Variants in MAP3K9 observed in about 807,000 individuals in gnomAD.
MAP3K9 encodes mitogen-activated protein kinase kinase kinase 9.
MAP3K9 carries 46 observed loss-of-function variants against 95.8 expected under a neutral mutation model. That is an observed-to-expected ratio of 0.48 (90% CI 0.38 to 0.61). The LOEUF (loss-of-function observed/expected upper bound fraction) is 0.61. Among genes scored for constraint, MAP3K9 ranks in the 20% least tolerant of loss-of-function variants. The pLI, the probability that MAP3K9 is intolerant of heterozygous loss-of-function variation, is 0.00. For synonymous variants in MAP3K9, 533 were observed against 593.8 expected, an observed-to-expected ratio of 0.90 and a Z score of 1.49; for missense variants, 1,296 against 1,474.3, an observed-to-expected ratio of 0.88 and a Z score of 1.98.
At chr14:70,752,616 T>C (rs867212526) in intron 3 of MAP3K9, among the ~76,000 whole-genome samples, 2 of 152,154 alleles carry the variant, frequency 1.3e-5, no homozygotes, top group Middle Eastern at 3.2e-3. Context: ...TATCCTCCAT[T>C]GCTTGCTCTT....
In MAP3K9 at chr14:70,809,315, G is replaced by A. The variant is rs1478242091; in HGVS notation, c.-144C>T. On this transcript the variant is annotated 5_prime_UTR_variant, in exon 1 of 12. Transcript: ENST00000554752. ...AGGGCCCGGGCTGGCAGGGCTGGGA[G>A]AGCCGGCTCGCCGGCGCTGTTACCG... 2.8e-6 allele frequency: 3 copies of A among 1,069,548 alleles called. No homozygotes were observed. Among genetic ancestry groups the A allele is most frequent in the African/African-American group, 1.6e-5 (1 of 60,996 alleles). 66.3% of individuals were successfully genotyped at this position (1,069,548 alleles called of 1,614,324 possible).
At chr14:70,764,179 C>T (rs1235764640) in intron 2 of MAP3K9, among the ~76,000 whole-genome samples, 2 of 19,016 alleles carry the variant, frequency 1.1e-4, no homozygotes, top group African/African-American at 2.1e-4. Flanking sequence ...GGCGACAGAG[C>T]GAGACTCCGT....
At position 70,725,125 on chromosome 14, in the gene MAP3K9, TTC is replaced by T. The variant is rs1173387404; in HGVS notation, c.*5253_*5254del. 1.3e-5 allele frequency: 2 copies of T among 152,352 alleles called. No homozygotes were observed. The highest frequency in any genetic ancestry group is 3.9e-4 in the East Asian group (2 of 5,190). The allele number at this position is 152,352 out of a possible 1,614,324, so 9.4% of individuals were successfully genotyped here. A position where few individuals can be genotyped will look rare whatever the true frequency, so the allele number is the denominator to read the frequency against. On this transcript the variant is annotated 3_prime_UTR_variant, in exon 12 of 12. Transcript: ENST00000554752. Reference sequence around the variant, plus strand: ...TATAACCAGCTGGGCCCCAAAGCTCTTCTCTCTATCCAGCTCAAGGCCCAAAG... The same window carrying T: ...TATAACCAGCTGGGCCCCAAAGCTCTTCTCTATCCAGCTCAAGGCCCAAAG...
rs578089663 is a variant in MAP3K9 at position 70,730,473 on chromosome 14, C to T, written c.3222G>A (p.Gly1074=). 10 of 1,614,168 alleles carry T rather than the reference C, an allele frequency of 6.2e-6. No individual in the cohort carries two copies. In the East Asian group the frequency reaches 1.3e-4, roughly 22 times the overall value. Residue 1074 remains glycine (G), a synonymous_variant, in exon 12 of 12, where the codon GGG becomes GGA. Coordinates refer to ENST00000554752, the MANE Select transcript of MAP3K9 (RefSeq NM_001284230.2). ...ERTLLDLDAE[G]QSQDSTVPLC... ...GCGGCACGGTGCTGTCCTGACTCTG[C>T]CCCTCTGCATCCAGGTCCAGGAGCG...
At chr14:70,795,204 G>T (rs779671335) in intron 2 of MAP3K9, among the ~76,000 whole-genome samples, 1 of 151,390 alleles carries the variant, frequency 6.6e-6, no homozygotes, top group Admixed American at 6.6e-5. Flanking sequence ...CACTATGATG[G>T]CCAGGCTGGT....
intron 1 of MAP3K9, among the ~76,000 whole-genome samples, chr14:70,802,511 T>C (rs573126038): frequency 3.3e-5 from 5 of 152,374 alleles, no homozygotes; most frequent in African/African-American, 1.2e-4. Flanking sequence ...AAGTGCTATA[T>C]GAGCAAAGTG....
chr14:70,738,226 C>A lies in MAP3K9; in HGVS notation c.1844+19G>T. ...TCCATCTTCAAGAGAGAAAGAATTT[C>A]ATGTCATCTGGCACTTACCCTTCAT... is the stretch of plus-strand genomic sequence containing the variant. On this transcript the variant is annotated intron_variant, in intron 8 of 11. Transcript: ENST00000554752. 2 of 1,585,876 alleles carry A rather than the reference C, an allele frequency of 1.3e-6. No homozygotes were observed. Among genetic ancestry groups the A allele is most frequent in the Non-Finnish European group, 1.7e-6 (2 of 1,165,046 alleles).
chr14:70,733,784 T>C (rs1268006954), intron 10 of MAP3K9: 1 of 718,428 alleles, frequency 1.4e-6, no homozygotes, highest in Non-Finnish European at 2.6e-6. Context: ...ACCACCCAAC[T>C]GGCTGCCAGC....
chr14:70,770,176 T>G (rs1251746196), intron 2 of MAP3K9, among the ~76,000 whole-genome samples: 1 of 152,034 alleles, frequency 6.6e-6, no homozygotes, highest in East Asian at 1.9e-4. Context: ...CTCTTCTGTA[T>G]TTTCTGTTTC....
At chr14:70,761,216 G>A (rs761951371) in intron 2 of MAP3K9, 34 bp from the exon 3 acceptor site, 1 of 1,541,898 alleles carries the variant, frequency 6.5e-7, no homozygotes, top group African/African-American at 1.4e-5. Flanking sequence ...AGAAACCAGA[G>A]TCTGCATTAA....
intron 4 of MAP3K9, chr14:70,749,683 T>C (rs2054199040): frequency 4.5e-6 from 2 of 448,620 alleles, no homozygotes; most frequent in Non-Finnish European, 7.9e-6. Flanking sequence ...AATGATAATA[T>C]GCTGAAGTGC....
chr14:70,795,767 C>CT (rs67430055), intron 2 of MAP3K9, among the ~76,000 whole-genome samples: 44,270 of 146,518 alleles, frequency 0.3, 6,733 homozygotes, highest in Admixed American at 0.34. Context: ...ATTCTTTTTT[C>CT]TTTTTTTTTT....
chr14:70,750,166 C>A, intron 3 of MAP3K9, 85 bp from the exon 4 acceptor site: 1 of 1,165,584 alleles, frequency 8.6e-7, no homozygotes, highest in East Asian at 2.4e-5. Flanking sequence ...CTGAGCATCC[C>A]ACATTCTCCC....
At chr14:70,800,238 G>T (rs1039321860) in intron 2 of MAP3K9, among the ~76,000 whole-genome samples, 1 of 152,136 alleles carries the variant, frequency 6.6e-6, no homozygotes, top group African/African-American at 2.4e-5. Flanking sequence ...TCCCTTCTGT[G>T]ATGGGTATCT....
chr14:70,783,653 T>C (rs763812441), intron 2 of MAP3K9, among the ~76,000 whole-genome samples: 1 of 152,350 alleles, frequency 6.6e-6, no homozygotes, highest in Middle Eastern at 3.4e-3. Flanking sequence ...GTCAAATTTG[T>C]CTTTCATAGT....
intron 6 of MAP3K9, among the ~76,000 whole-genome samples, chr14:70,742,075 T>C (rs539142037): frequency 6.6e-6 from 1 of 152,214 alleles, no homozygotes; most frequent in Non-Finnish European, 1.5e-5. Flanking sequence ...AAGTGAGATG[T>C]GCCCCTGTGA....
intron 2 of MAP3K9, among the ~76,000 whole-genome samples, chr14:70,799,561 G>C (rs962398650): frequency 6.6e-6 from 1 of 151,708 alleles, no homozygotes; most frequent in Non-Finnish European, 1.5e-5. Context: ...GGATGGTCTC[G>C]ATCTCCTGAC....
At chr14:70,739,749 T>C in intron 7 of MAP3K9, 1 of 805,134 alleles carries the variant, frequency 1.2e-6, no homozygotes, top group Non-Finnish European at 1.9e-6. Flanking sequence ...TGTATCCACA[T>C]CACACACCAG....
intron 2 of MAP3K9, among the ~76,000 whole-genome samples, chr14:70,792,119 G>A (rs759072531): frequency 6.6e-6 from 1 of 152,198 alleles, no homozygotes; most frequent in Non-Finnish European, 1.5e-5. Flanking sequence ...ATTTTGGCTT[G>A]CAGAACATAT....
Sources: allele counts gnomAD v4.1 joint callset (sites outside exome capture counted in the v4.1 genomes callset), GRCh38; gene constraint gnomAD v4.1.1; transcripts MANE v1.5; gene names NCBI Gene and HGNC (gene_info 2026-07-23, HGNC 2026-07-21).